The following TNRC6A variants were observed in gnomAD, a reference collection of about 807,000 sequenced individuals.
TNRC6A encodes trinucleotide repeat containing adaptor 6A.
Under a neutral mutation model 221.2 loss-of-function variants are expected in TNRC6A, and 44 were observed. The observed-to-expected ratio is 0.20, with a 90% CI of 0.16 to 0.26. The LOEUF is 0.26. Ranked by LOEUF, TNRC6A falls within the 10% of genes least tolerant of loss-of-function variation. TNRC6A has a pLI of 1.00. For synonymous variants in TNRC6A, 847 were observed against 838.5 expected (o/e 1.01, Z -0.18); for missense variants, 2,199 against 2,404.4 (o/e 0.91, Z 1.79).
chr16:24,764,225 A>T (rs73551503), intron 4 of TNRC6A, among the ~76,000 whole-genome samples: 8,943 of 151,600 alleles, frequency 0.059, 728 homozygotes, highest in East Asian at 0.36. Context: ...ACATCACTCA[A>T]TGTCTTCCAG....
chr16:24,774,760 A>G (rs772922206), intron 4 of TNRC6A, among the ~76,000 whole-genome samples: 1 of 152,192 alleles, frequency 6.6e-6, no homozygotes, highest in Non-Finnish European at 1.5e-5. Flanking sequence ...GTCCCTTGGT[A>G]TCTGTGATGC....
At chr16:24,716,565 G>C (rs1268440629) in intron 2 of TNRC6A, among the ~76,000 whole-genome samples, 1 of 152,082 alleles carries the variant, frequency 6.6e-6, no homozygotes, top group Non-Finnish European at 1.5e-5. Flanking sequence ...GCTACTTGGG[G>C]AGCTGAGGCA....
At chr16:24,704,664 CAAAAAAAAAAAAAAAA>C (rs58926085) in intron 2 of TNRC6A, among the ~76,000 whole-genome samples, 2 of 69,466 alleles carry the variant, frequency 2.9e-5, no homozygotes, top group Non-Finnish European at 5.7e-5. Context: ...GACTCCGTCT[CAAAAAAAAAAAAAAAA>C]AAAAAAAAAA....
chr16:24,664,692 AAAT>A (rs2055114898), intron 2 of TNRC6A: 1 of 143,924 alleles, frequency 6.9e-6, no homozygotes, highest in African/African-American at 2.6e-5. Flanking sequence ...TTATGTCTCC[AAAT>A]AATAAAATAA....
chr16:24,671,415 T>C (rs1304106255), intron 2 of TNRC6A, among the ~76,000 whole-genome samples: 1 of 152,100 alleles, frequency 6.6e-6, no homozygotes, highest in African/African-American at 2.4e-5. Context: ...GACTCTGGGG[T>C]GCTGAAGATG....
intron 5 of TNRC6A, among the ~76,000 whole-genome samples, chr16:24,782,069 G>A (rs1011747581): frequency 2.6e-5 from 4 of 152,034 alleles, no homozygotes; most frequent in South Asian, 4.1e-4. Context: ...TGATCTGCCC[G>A]CCTCGGCCTC....
intron 2 of TNRC6A, among the ~76,000 whole-genome samples, chr16:24,668,542 G>A (rs1199828952): frequency 2.0e-5 from 3 of 152,110 alleles, no homozygotes; most frequent in Non-Finnish European, 4.4e-5. Flanking sequence ...TAAGCAGTCT[G>A]AAACTGGCAT....
At chr16:24,822,038 G>A in intron 22 of TNRC6A, 39 bp from the exon 23 acceptor site, 3 of 1,606,864 alleles carry the variant, frequency 1.9e-6, no homozygotes, top group Non-Finnish European at 2.6e-6. Flanking sequence ...GGCTCTTTCA[G>A]TCCTGGAAAA....
At position 24,698,750 on chromosome 16, in the gene TNRC6A, C is replaced by T. The variant is rs142747168; in HGVS notation, n.403-51976C>T. ...TTTTTTTGGCAGAGTCTTGCTCTGT[C>T]GCCAGGCTGGAGTGCAGTGGCATGA... On this transcript the variant is annotated intron_variant and non_coding_transcript_variant, in intron 2 of 2. Transcript: ENST00000566108. 7.5e-3 allele frequency among the ~76,000 whole-genome samples: 1,137 copies of T among 152,104 alleles called. 29 individuals are homozygous for T. The highest frequency in any genetic ancestry group is 0.062 in the East Asian group (322 of 5,172).
intron 2 of TNRC6A, among the ~76,000 whole-genome samples, chr16:24,676,127 T>C (rs982884591): frequency 2.6e-5 from 4 of 151,858 alleles, no homozygotes; most frequent in Admixed American, 2.0e-4. Flanking sequence ...ATAAAAAGAA[T>C]CAAAAATGAT....
At chr16:24,767,223 A>T (rs1441359802) in intron 4 of TNRC6A, among the ~76,000 whole-genome samples, 1 of 152,262 alleles carries the variant, frequency 6.6e-6, no homozygotes, top group African/African-American at 2.4e-5. Context: ...CATTGGGAAT[A>T]CATACGCTGA....
intron 3 of TNRC6A, among the ~76,000 whole-genome samples, chr16:24,753,370 A>G (rs532379045): frequency 1.7e-4 from 26 of 152,358 alleles, no homozygotes; most frequent in Non-Finnish European, 2.6e-4. Context: ...TAGACACATC[A>G]TAGTATCTAC....
chr16:24,622,579 G>A (rs985276260), intron 1 of TNRC6A, among the ~76,000 whole-genome samples: 3 of 152,180 alleles, frequency 2.0e-5, no homozygotes, highest in Non-Finnish European at 4.4e-5. Flanking sequence ...GGGTGACAGA[G>A]AGAGACTGCA....
intron 2 of TNRC6A, among the ~76,000 whole-genome samples, chr16:24,648,703 T>C (rs987449762): frequency 6.6e-6 from 1 of 152,172 alleles, no homozygotes; most frequent in Non-Finnish European, 1.5e-5. Flanking sequence ...GGGTATGAAG[T>C]GGTATTCTGA....
chr16:24,714,369 C>A (rs183171455), intron 2 of TNRC6A, among the ~76,000 whole-genome samples: 1 of 126,822 alleles, frequency 7.9e-6, no homozygotes, highest in East Asian at 2.6e-4. Flanking sequence ...AGTGCAGTGG[C>A]GCAGTCTTGA....
At position 24,760,337 on chromosome 16, in the gene TNRC6A, T is replaced by C. The variant is rs559129328; in HGVS notation, c.163+1977T>C. Among the ~76,000 whole-genome samples, 4 of 152,326 alleles carry C rather than the reference T, an allele frequency of 2.6e-5. No homozygotes were observed. The South Asian group carries it at 8.3e-4, about 32-fold the overall frequency. ...TTTTTGACTGATCCTTGGATATTTG[T>C]TTCTTCAACATCTTTGAGTACCTAG... On this transcript the variant is annotated intron_variant, in intron 4 of 24. Coordinates refer to ENST00000395799, the MANE Select transcript of TNRC6A (RefSeq NM_014494.4).
chr16:24,654,157 C>T (rs1902826478), intron 2 of TNRC6A, among the ~76,000 whole-genome samples: 1 of 152,162 alleles, frequency 6.6e-6, no homozygotes, highest in Admixed American at 6.6e-5. Flanking sequence ...AATTCCTGGC[C>T]TCAAGCAATC....
intron 9 of TNRC6A, among the ~76,000 whole-genome samples, chr16:24,796,673 T>A (rs572846722): frequency 6.6e-6 from 1 of 152,122 alleles, no homozygotes; most frequent in South Asian, 2.1e-4. Context: ...AGACCTGCAT[T>A]TGGGGGGAAG....
At chr16:24,717,118 A>G (rs1357360380) in intron 2 of TNRC6A, among the ~76,000 whole-genome samples, 2 of 152,072 alleles carry the variant, frequency 1.3e-5, no homozygotes, top group Admixed American at 6.6e-5. Flanking sequence ...GGGCCTCACA[A>G]TGTTGCCCAG....
Sources: allele counts gnomAD v4.1 joint callset (sites outside exome capture counted in the v4.1 genomes callset), GRCh38; gene constraint gnomAD v4.1.1; transcripts MANE v1.5; gene names NCBI Gene and HGNC (gene_info 2026-07-23, HGNC 2026-07-21).